Variants in RGS6 observed in about 807,000 individuals in gnomAD.
The protein encoded by RGS6 is regulator of G-protein signaling 6.
In RGS6, 30 loss-of-function variants were observed where a neutral mutation model predicts 78.5. The ratio of observed to expected loss-of-function variants is 0.38; its 90% CI spans 0.29 to 0.52. RGS6 has a LOEUF of 0.52. RGS6 is among the 20% of genes least tolerant of loss of function. RGS6 has a pLI of 0.85. For synonymous variants in RGS6, 206 were observed against 206.0 expected, an observed-to-expected ratio of 1.00 and a Z score of 0.00; for missense variants, 495 against 609.7, an observed-to-expected ratio of 0.81 and a Z score of 1.98.
rs112281811 is a variant in RGS6, at chr14:72,419,018, C to G, written c.185-35510C>G. ...TGTGAAGACCCAAAGCTGGAGCCCA[C>G]CCAGGGAGCGGGCTGCCTTGGATGC... On this transcript the variant is annotated intron_variant, in intron 3 of 17. Coordinates refer to ENST00000553525, the MANE Select transcript of RGS6 (RefSeq NM_001204424.2). Among the ~76,000 whole-genome samples the G allele has an allele frequency of 4.3e-3, 656 of 152,310 alleles. 3 individuals are homozygous for G. The highest frequency in any genetic ancestry group is 0.014 in the African/African-American group (589 of 41,560).
At chr14:72,252,808 T>C (rs1018876862) in intron 2 of RGS6, among the ~76,000 whole-genome samples, 7 of 152,210 alleles carry the variant, frequency 4.6e-5, no homozygotes, top group African/African-American at 1.7e-4. Flanking sequence ...AGAGGAGGAC[T>C]CTATAAAATG....
At chr14:72,279,558 A>G (rs1026722399) in intron 2 of RGS6, among the ~76,000 whole-genome samples, 6 of 152,214 alleles carry the variant, frequency 3.9e-5, no homozygotes, top group Non-Finnish European at 1.5e-5. Flanking sequence ...CCACGTTGAC[A>G]TGCTACAAAG....
chr14:71,894,679 A>G, the RGS6 span, among the ~76,000 whole-genome samples: 2 of 152,338 alleles, frequency 1.3e-5, no homozygotes, highest in Middle Eastern at 3.4e-3. Flanking sequence ...ACTTTTCAGG[A>G]AAGATACTAT....
At chr14:72,318,753 G>T (rs2071029576) in intron 2 of RGS6, among the ~76,000 whole-genome samples, 1 of 152,098 alleles carries the variant, frequency 6.6e-6, no homozygotes, top group Non-Finnish European at 1.5e-5. Context: ...AAATGGCAAG[G>T]GTATTGCAAG....
chr14:72,056,076 G>C (rs72737845), intron 2 of RGS6, among the ~76,000 whole-genome samples: 20,401 of 152,214 alleles, frequency 0.13, 1,864 homozygotes, highest in Non-Finnish European at 0.2. Flanking sequence ...TGAGCCCCCG[G>C]GAATCTGTGT....
At chr14:71,991,452 A>G (rs2094950754) in intron 2 of RGS6, among the ~76,000 whole-genome samples, 1 of 152,224 alleles carries the variant, frequency 6.6e-6, no homozygotes, top group Admixed American at 6.5e-5. Context: ...TTCTGTTTTT[A>G]CCATTAAATG....
At chr14:72,441,687 A>G (rs1424187993) in intron 3 of RGS6, among the ~76,000 whole-genome samples, 4 of 152,214 alleles carry the variant, frequency 2.6e-5, no homozygotes, top group Admixed American at 2.6e-4. Flanking sequence ...GCACTCAAGG[A>G]TGTCCTGTGG....
intron 2 of RGS6, among the ~76,000 whole-genome samples, chr14:72,052,975 TTCTTTCTTTC>T (rs1198281017): frequency 2.1e-3 from 108 of 51,360 alleles, no homozygotes; most frequent in African/African-American, 7.2e-3. Flanking sequence ...CTTTCTTTCT[TTCTTTCTTTC>T]TCTCTCTCTC....
intron 2 of RGS6, among the ~76,000 whole-genome samples, chr14:72,264,638 T>TA (rs1407087124): frequency 6.6e-6 from 1 of 152,176 alleles, no homozygotes; most frequent in Non-Finnish European, 1.5e-5. Flanking sequence ...TTCAAGAACA[T>TA]AAATTAGAGG....
At chr14:71,908,327 C>T in the RGS6 span, 1 of 152,226 alleles carries the variant, frequency 6.6e-6, no homozygotes, top group African/African-American at 2.4e-5. Flanking sequence ...CACGGAATGA[C>T]TGATCATTTC....
chr14:72,545,138 G>T (rs910571004), intron 17 of RGS6, among the ~76,000 whole-genome samples: 3 of 152,258 alleles, frequency 2.0e-5, no homozygotes, highest in Non-Finnish European at 4.4e-5. Context: ...GGGCCAATTG[G>T]CTAAAAATCT....
At chr14:72,318,870 G>A (rs1214979930) in intron 2 of RGS6, among the ~76,000 whole-genome samples, 1 of 152,218 alleles carries the variant, frequency 6.6e-6, no homozygotes, top group Admixed American at 6.5e-5. Flanking sequence ...GCAGTCCATT[G>A]TTGTGGCACT....
intron 2 of RGS6, among the ~76,000 whole-genome samples, chr14:72,338,544 C>G (rs1215507212): frequency 2.0e-5 from 3 of 152,218 alleles, no homozygotes; most frequent in Admixed American, 6.5e-5. Flanking sequence ...GGGACACAGC[C>G]AAACCATATC....
intron 2 of RGS6, among the ~76,000 whole-genome samples, chr14:71,976,213 C>CT (rs968960283): frequency 1.3e-3 from 187 of 143,750 alleles, no homozygotes; most frequent in Non-Finnish European, 2.2e-3. Context: ...CCTTTTCTTT[C>CT]TTTTTTTTCT....
chr14:72,350,221 A>G (rs2078857512), intron 2 of RGS6, among the ~76,000 whole-genome samples: 1 of 152,176 alleles, frequency 6.6e-6, no homozygotes, highest in Non-Finnish European at 1.5e-5. Context: ...CACTCTCAGT[A>G]CTTCTTAGAG....
chr14:72,505,083 G>A (rs2096782815), intron 13 of RGS6, among the ~76,000 whole-genome samples: 1 of 151,652 alleles, frequency 6.6e-6, no homozygotes, highest in South Asian at 2.1e-4. Flanking sequence ...GCCAATTTAG[G>A]CTTTTGCTGA....
chr14:72,396,056 G>A, intron 3 of RGS6, among the ~76,000 whole-genome samples: 1 of 152,100 alleles, frequency 6.6e-6, no homozygotes, highest in Non-Finnish European at 1.5e-5. Context: ...CCAGTAATGG[G>A]ATGGCTGGGT....
At chr14:72,495,646 C>T (rs2096635490) in intron 13 of RGS6, among the ~76,000 whole-genome samples, 2 of 152,140 alleles carry the variant, frequency 1.3e-5, no homozygotes, top group Non-Finnish European at 1.5e-5. Context: ...CACTGAATCC[C>T]CTCGACAGGT....
At chr14:71,931,789 G>A (rs368419490), upstream of RGS6, among the ~76,000 whole-genome samples, 1 of 152,154 alleles carries the variant, frequency 6.6e-6, no homozygotes, top group East Asian at 1.9e-4. Flanking sequence ...CTCATTTTCT[G>A]TCTTCGACTT....
Sources: allele counts gnomAD v4.1 joint callset (sites outside exome capture counted in the v4.1 genomes callset), GRCh38; gene constraint gnomAD v4.1.1; transcripts MANE v1.5; gene names NCBI Gene and HGNC (gene_info 2026-07-23, HGNC 2026-07-21).